The following MAD1L1 variants were observed in gnomAD, a reference collection of about 807,000 sequenced individuals.
MAD1L1 encodes the protein mitotic spindle assembly checkpoint protein MAD1.
A neutral mutation model predicts 96.9 loss-of-function variants in MAD1L1; 95 were observed. The ratio of observed to expected loss-of-function variants is 0.98; its 90% confidence interval spans 0.83 to 1.16. The LOEUF (loss-of-function observed/expected upper bound fraction) is 1.16, where lower values mean the gene tolerates loss of function less well. Among genes scored for constraint, MAD1L1 ranks in the 50% most tolerant of loss-of-function variants. MAD1L1 has a pLI of 0.00. For synonymous variants in MAD1L1, 473 were observed against 396.6 expected (o/e 1.19, Z -2.29); for missense variants, 1,007 against 954.4 (o/e 1.06, Z -0.73).
intron 11 of MAD1L1, among the ~76,000 whole-genome samples, chr7:2,144,069 A>C (rs1272117430): frequency 6.6e-6 from 1 of 152,324 alleles, no homozygotes; most frequent in East Asian, 1.9e-4. Context: ...CGTGTCCCAC[A>C]GGGACCCAGG....
intron 17 of MAD1L1, among the ~76,000 whole-genome samples, chr7:1,906,326 A>G (rs1490524217): frequency 1.3e-5 from 2 of 152,096 alleles, no homozygotes; most frequent in Non-Finnish European, 1.5e-5. Flanking sequence ...ACAGATCTCC[A>G]TGCTCCCACA....
intron 5 of MAD1L1, among the ~76,000 whole-genome samples, chr7:2,220,357 T>C (rs1001205692): frequency 6.6e-6 from 1 of 151,984 alleles, no homozygotes. Flanking sequence ...TCCTGACCAC[T>C]CCCACCAGGC....
chr7:1,832,432 T>A (rs903084788), intron 18 of MAD1L1, among the ~76,000 whole-genome samples: 4 of 150,274 alleles, frequency 2.7e-5, no homozygotes, highest in African/African-American at 9.8e-5. Context: ...GCTGTGAACA[T>A]TGTTGAAAAA....
Position 2,191,014 on chromosome 7 carries a change from C to A in MAD1L1, c.986+22198G>T, listed in dbSNP as rs556911626. Among the ~76,000 whole-genome samples the A allele has an allele frequency of 3.9e-5, 6 of 152,300 alleles. No homozygotes were observed. The South Asian group carries it at 1.2e-3, about 32-fold the overall frequency. On this transcript the variant is annotated intron_variant, in intron 10 of 18. Transcript: ENST00000265854. ...AAACATACATAAAGAGACTTCAATA[C>A]AAATGTTCACAGAATCTTTATCTGC... is the stretch of plus-strand genomic sequence containing the variant.
At chr7:1,823,677 G>A in intron 18 of MAD1L1, among the ~76,000 whole-genome samples, 1 of 152,200 alleles carries the variant, frequency 6.6e-6, no homozygotes, top group East Asian at 1.9e-4. Context: ...GGGCACAGAG[G>A]CCGGGCCTGT....
At position 1,903,894 on chromosome 7, in the gene MAD1L1, C is replaced by T. The variant is rs1165514758; in HGVS notation, c.1808-5504G>A. On this transcript the variant is annotated intron_variant, in intron 17 of 18. Transcript: ENST00000265854. Reference sequence around the variant, plus strand: ...CAGTGGCCTATGGAAGATGCTCTTGCGGAACTCATGATTGATCAAGCACTG... The same window carrying T: ...CAGTGGCCTATGGAAGATGCTCTTGTGGAACTCATGATTGATCAAGCACTG... Among the ~76,000 whole-genome samples the T allele has an allele frequency of 6.3e-5, 8 of 127,144 alleles. 1 individual carries two copies. Among genetic ancestry groups the T allele is most frequent in the African/African-American group, 1.7e-4 (6 of 34,854 alleles). 83.4% of individuals were successfully genotyped at this position (127,144 alleles called of 152,430 possible).
intron 18 of MAD1L1, among the ~76,000 whole-genome samples, chr7:1,858,718 C>T (rs1438830174): frequency 4.6e-5 from 7 of 152,212 alleles, no homozygotes; most frequent in Non-Finnish European, 8.8e-5. Flanking sequence ...TACACAGACA[C>T]GAGGCCCACA....
chr7:2,002,027 G>C, intron 14 of MAD1L1, 38 bp downstream of exon 14: 1 of 1,609,504 alleles, frequency 6.2e-7, no homozygotes, highest in Non-Finnish European at 8.5e-7. Context: ...CCAGGGTCCA[G>C]GTGCCCTGAA....
chr7:2,077,786 C>A (rs1199430732), intron 11 of MAD1L1, among the ~76,000 whole-genome samples: 1 of 152,222 alleles, frequency 6.6e-6, no homozygotes, highest in Non-Finnish European at 1.5e-5. Flanking sequence ...CGGAAGCACC[C>A]ACAGGTTCTG....
intron 7 of MAD1L1, among the ~76,000 whole-genome samples, chr7:2,217,567 C>A (rs1411267714): frequency 1.3e-5 from 2 of 152,216 alleles, no homozygotes; most frequent in African/African-American, 2.4e-5. Flanking sequence ...CCTGGCACGT[C>A]CTCCGCAGGG....
chr7:2,154,301 G>C (rs1178032213), intron 10 of MAD1L1, among the ~76,000 whole-genome samples: 1 of 152,240 alleles, frequency 6.6e-6, no homozygotes, highest in Non-Finnish European at 1.5e-5. Context: ...TAAAGGCAGA[G>C]AGTAGAATGA....
In MAD1L1 at chr7:2,008,774, G is replaced by GT. The variant is rs577307878; in HGVS notation, c.1359+5727_1359+5728insA. Among the ~76,000 whole-genome samples, 4 of 150,624 alleles carry GT rather than the reference G, an allele frequency of 2.7e-5. No homozygotes were observed. The East Asian group carries it at 7.8e-4, about 30-fold the overall frequency. ...GACGCAGACACGCAGGAAGCTCAGG[G>GT]GGGGAAGGAACACGGCTCCATCCCA... On this transcript the variant is annotated intron_variant, in intron 13 of 18. Transcript: ENST00000265854.
chr7:2,102,288 GCCAC>G (rs879849209), intron 11 of MAD1L1, among the ~76,000 whole-genome samples: 44,410 of 137,192 alleles, frequency 0.32, 8,305 homozygotes, highest in East Asian at 0.53. Context: ...CACCACCACC[GCCAC>G]TGTCACCATC....
intron 18 of MAD1L1, chr7:1,829,715 C>G (rs1303179233): frequency 9.8e-6 from 1 of 102,498 alleles, no homozygotes; most frequent in Non-Finnish European, 2.1e-5. Flanking sequence ...GAACCCCAAC[C>G]ACCAAAAAAA....
chr7:2,008,770 C>CT (rs1782151007), intron 13 of MAD1L1, among the ~76,000 whole-genome samples: 1 of 117,228 alleles, frequency 8.5e-6, no homozygotes, highest in Non-Finnish European at 1.9e-5. Context: ...GCAGGAAGCT[C>CT]AGGGGGGGAA....
chr7:2,042,219 GTGCA>G (rs1463577894), intron 12 of MAD1L1, among the ~76,000 whole-genome samples: 4 of 127,680 alleles, frequency 3.1e-5, no homozygotes, highest in African/African-American at 1.4e-4. Context: ...GCACACAGAC[GTGCA>G]CACACAAGCG....
intron 13 of MAD1L1, among the ~76,000 whole-genome samples, chr7:2,012,115 T>C (rs527575650): frequency 1.3e-5 from 2 of 152,274 alleles, no homozygotes; most frequent in South Asian, 2.1e-4. Flanking sequence ...GTCCGCAACA[T>C]ACATCCCACT....
chr7:1,911,850 C>T (rs996137633), intron 17 of MAD1L1, among the ~76,000 whole-genome samples: 11 of 152,386 alleles, frequency 7.2e-5, no homozygotes, highest in South Asian at 4.1e-4. Flanking sequence ...TGAACCTCTG[C>T]GGCACACACA....
rs1031087641 is a variant in MAD1L1, at chr7:2,132,479, G to A, written c.1073+16673C>T. Among the ~76,000 whole-genome samples the A allele has an allele frequency of 6.0e-5, 9 of 149,182 alleles. No individual in the cohort carries two copies. The East Asian group carries it at 1.4e-3, about 23-fold the overall frequency. ...GTGCAGTCGGTCCACTGCTGCGTGCGACTGCGTGTCCACCATCACGGCCGC... is the reference window on the plus strand; with the variant it reads ...GTGCAGTCGGTCCACTGCTGCGTGCAACTGCGTGTCCACCATCACGGCCGC... On this transcript the variant is annotated intron_variant, in intron 11 of 18. Transcript: ENST00000265854.
Sources: gnomAD v4.1 joint callset for allele counts (sites outside exome capture counted in the v4.1 genomes callset) on GRCh38, gnomAD v4.1.1 for gene constraint, MANE v1.5 for transcripts, NCBI Gene and HGNC (gene_info 2026-07-23, HGNC 2026-07-21) for gene names.